Variants in CCDC88A observed in about 807,000 individuals in gnomAD.
CCDC88A encodes the protein girdin.
A neutral mutation model predicts 234.3 loss-of-function variants in CCDC88A; 54 were observed. That is an observed-to-expected ratio of 0.23 (90% CI 0.19 to 0.29). The LOEUF is 0.29. Ranked by LOEUF, CCDC88A falls within the 10% of genes least tolerant of loss-of-function variation. The probability of loss-of-function intolerance (pLI) is 1.00; values close to 1 mark genes in which losing one functional copy is unlikely to be tolerated. For missense variants in CCDC88A, 1,832 were observed against 2,123.4 expected, an observed-to-expected ratio of 0.86 and a Z score of 2.70; for synonymous variants, 753 against 737.8, an observed-to-expected ratio of 1.02 and a Z score of -0.33.
Position 55,303,166 on chromosome 2 carries a change from G to C in CCDC88A, c.4388-14C>G. 1.3e-6 allele frequency: 2 copies of C among 1,511,736 alleles called. No homozygotes were observed. Among genetic ancestry groups the C allele is most frequent in the Non-Finnish European group, 1.8e-6 (2 of 1,110,466 alleles). 93.6% of individuals were successfully genotyped at this position (1,511,736 alleles called of 1,614,324 possible). A position where few individuals can be genotyped will look rare whatever the true frequency, so the allele number is the denominator to read the frequency against. On this transcript the variant is annotated splice_polypyrimidine_tract_variant and intron_variant, in intron 25 of 32. Coordinates refer to ENST00000436346, the MANE Select transcript of CCDC88A (RefSeq NM_001365480.1). ...TCAGTGCAACCACTTTAATGTCAGAGCATGAGGAAAAACAGAAACAGGGAG... is the reference window on the plus strand; with the variant it reads ...TCAGTGCAACCACTTTAATGTCAGACCATGAGGAAAAACAGAAACAGGGAG...
Position 55,334,070 on chromosome 2 carries a change from C to T in CCDC88A, c.2727+24G>A, listed in dbSNP as rs777452107. On this transcript the variant is annotated intron_variant, in intron 15 of 32. Coordinates refer to ENST00000436346, the MANE Select transcript of CCDC88A (RefSeq NM_001365480.1). This position sits in a 1 kb window ranked among gnomAD's most constrained non-coding sequence, Gnocchi z 6.1. ...GTTAAAAATATAAAAAAAAATTTGC[C>T]TTAATTTAGGTAAACATATTTACCT... The T allele has an allele frequency of 6.5e-6, 7 of 1,073,742 alleles. No individual in the cohort carries two copies. Among genetic ancestry groups the T allele is most frequent in the African/African-American group, 1.6e-5 (1 of 61,538 alleles). The allele number at this position is 1,073,742 out of a possible 1,614,324, so 66.5% of individuals were successfully genotyped here. A position where few individuals can be genotyped will look rare whatever the true frequency, so the allele number is the denominator to read the frequency against.
intron 26 of CCDC88A, 44 bp downstream of exon 26, chr2:55,303,025 C>T: frequency 8.5e-7 from 1 of 1,174,940 alleles, no homozygotes. Context: ...TAATGAAAGC[C>T]AGTGTAGTCA....
rs1198756026 is a variant in CCDC88A, at chr2:55,295,684, G to A, written c.5464C>T (p.His1822Tyr). The A allele has an allele frequency of 1.9e-6, 3 of 1,614,194 alleles. No homozygotes were observed. Among genetic ancestry groups the A allele is most frequent in the Non-Finnish European group, 2.5e-6 (3 of 1,180,024 alleles). ...CTACTGTCCTTGGTCAAAAAATCAT[G>A]GATGCTTGTCCTTCGTGTAGTTCCT... ...AEGTTRRTSI[H>Y]DFLTKDSRLP... The change falls in exon 31 of 33, where the codon CAT becomes TAT. Residue 1822 changes from histidine to tyrosine, a missense_variant. Coordinates refer to ENST00000436346, the MANE Select transcript of CCDC88A (RefSeq NM_001365480.1).
chr2:55,357,115 G>T (rs571172238), intron 7 of CCDC88A, among the ~76,000 whole-genome samples: 1 of 152,168 alleles, frequency 6.6e-6, no homozygotes, highest in South Asian at 2.1e-4. Flanking sequence ...TACCTCAAAG[G>T]TTTAGCTCAA....
intron 2 of CCDC88A, among the ~76,000 whole-genome samples, chr2:55,409,943 A>G (rs1680207708): frequency 6.6e-6 from 1 of 151,514 alleles, no homozygotes; most frequent in Non-Finnish European, 1.5e-5. Flanking sequence ...GTTTCACCAT[A>G]TTGGCCAGGC....
chr2:55,417,646 TATA>T (rs1244128058), intron 2 of CCDC88A: 35 of 152,098 alleles, frequency 2.3e-4, no homozygotes, highest in African/African-American at 8.2e-4. Context: ...TGTATAATAG[TATA>T]ATACTTCCCT....
At chr2:55,356,074 G>A (rs1185691469) in intron 7 of CCDC88A, 1 of 165,894 alleles carries the variant, frequency 6.0e-6, no homozygotes, top group African/African-American at 2.4e-5. Context: ...TGCCATGGTA[G>A]TCTGCTGCAC....
chr2:55,364,008 T>C lies in CCDC88A; in HGVS notation c.428A>G (p.Glu143Gly). 6.3e-7 allele frequency: 1 copy of C among 1,583,474 alleles called. No homozygotes were observed. The highest frequency in any genetic ancestry group is 8.6e-7 in the Non-Finnish European group (1 of 1,157,826). Residue 143 changes from glutamate (E) to glycine (G), a missense_variant, in exon 6 of 33, where the codon GAA becomes GGA. Coordinates refer to ENST00000436346, the MANE Select transcript of CCDC88A (RefSeq NM_001365480.1). The part of the protein sequence containing the change: ...VQCQKKEEFI[E>G]RIQGLDFDTK... ...ATCAAAATCTAAACCTTGAATTCTT[T>C]CAATAAATTCCTCTTTTTTCTGACA...
intron 9 of CCDC88A, 51 bp downstream of exon 9, chr2:55,349,467 C>T: frequency 7.8e-7 from 1 of 1,278,528 alleles, no homozygotes; most frequent in Non-Finnish European, 1.1e-6. Context: ...GGAAGAAAAT[C>T]AATTTCCAAT....
At position 55,335,582 on chromosome 2, in the gene CCDC88A, A is replaced by C. The variant is rs1226088141; in HGVS notation, c.1657-418T>G. 6.6e-6 allele frequency among the ~76,000 whole-genome samples: 1 copy of C among 152,202 alleles called. No individual in the cohort carries two copies. Among genetic ancestry groups the C allele is most frequent in the Non-Finnish European group, 1.5e-5 (1 of 68,036 alleles). ...TTTGCAATGCCTACAGTGGGTCCTC[A>C]GTAAATATGTGCTGTATTACATGTG... On this transcript the variant is annotated intron_variant, in intron 14 of 32. Coordinates refer to ENST00000436346, the MANE Select transcript of CCDC88A (RefSeq NM_001365480.1). The surrounding 1 kb of genome is among the most constrained non-coding windows in gnomAD (Gnocchi z 4.5).
At chr2:55,319,141 GA>G (rs1397595447) in intron 18 of CCDC88A, 137 bp from the exon 19 acceptor site, 1 of 642,698 alleles carries the variant, frequency 1.6e-6, no homozygotes, top group Non-Finnish European at 2.3e-6. Context: ...TCTTAAAAGA[GA>G]AAAAAAACCA....
intron 2 of CCDC88A, among the ~76,000 whole-genome samples, chr2:55,400,300 C>T (rs1208929472): frequency 6.6e-6 from 1 of 152,228 alleles, no homozygotes; most frequent in East Asian, 1.9e-4. Flanking sequence ...ACATGTCAAA[C>T]GTGAGCAAGT....
At chr2:55,395,653 A>T (rs1677404352) in intron 2 of CCDC88A, among the ~76,000 whole-genome samples, 1 of 152,248 alleles carries the variant, frequency 6.6e-6, no homozygotes, top group African/African-American at 2.4e-5. Context: ...GAAAGTTACG[A>T]GCTGACAACC....
intron 29 of CCDC88A, among the ~76,000 whole-genome samples, chr2:55,298,423 C>T (rs1218341707): frequency 6.6e-6 from 1 of 151,656 alleles, no homozygotes; most frequent in Non-Finnish European, 1.5e-5. Context: ...ATCTGAAAAA[C>T]ATGATAAAAA....
At chr2:55,405,447 G>A (rs1280279509) in intron 2 of CCDC88A, 1 of 152,216 alleles carries the variant, frequency 6.6e-6, no homozygotes, top group African/African-American at 2.4e-5. Flanking sequence ...AAGAAAAAAA[G>A]CAACCTAATA....
At chr2:55,401,865 C>G (rs1452831263) in intron 2 of CCDC88A, among the ~76,000 whole-genome samples, 2 of 152,046 alleles carry the variant, frequency 1.3e-5, no homozygotes, top group African/African-American at 2.4e-5. Context: ...ATGATATTCA[C>G]TGATTTAACA....
intron 13 of CCDC88A, among the ~76,000 whole-genome samples, chr2:55,338,751 A>T (rs1279062774): frequency 6.6e-6 from 1 of 152,208 alleles, no homozygotes; most frequent in Admixed American, 6.5e-5. Flanking sequence ...TCAGGACCAA[A>T]GCAGCTTTTA....
chr2:55,364,454 A>G (rs964994897), intron 5 of CCDC88A, among the ~76,000 whole-genome samples: 1 of 152,078 alleles, frequency 6.6e-6, no homozygotes, highest in Non-Finnish European at 1.5e-5. Context: ...ATTACCAAAC[A>G]ACACAGCCTT....
chr2:55,349,126 A>C (rs1481682836), intron 9 of CCDC88A: 25 of 158,658 alleles, frequency 1.6e-4, no homozygotes, highest in Non-Finnish European at 1.5e-4. Context: ...GAAAAAAATC[A>C]AAAAACATTC....
Sources: allele counts gnomAD v4.1 joint callset (sites outside exome capture counted in the v4.1 genomes callset), GRCh38; gene constraint gnomAD v4.1.1; non-coding constraint Gnocchi (gnomAD v3.1); transcripts MANE v1.5; gene names NCBI Gene and HGNC (gene_info 2026-07-23, HGNC 2026-07-21).